Variants in PPARGC1A observed in about 807,000 individuals in gnomAD.
PPARGC1A encodes peroxisome proliferator-activated receptor gamma coactivator 1-alpha.
PPARGC1A carries 25 observed loss-of-function variants against 88.7 expected under a neutral mutation model. That is an observed-to-expected ratio of 0.28 (90% CI 0.21 to 0.39). The LOEUF (loss-of-function observed/expected upper bound fraction) is 0.39. Among genes scored for constraint, PPARGC1A ranks in the 10% least tolerant of loss-of-function variants. The pLI, the probability that PPARGC1A is intolerant of heterozygous loss-of-function variation, is 1.00. For synonymous variants in PPARGC1A, 363 were observed against 355.6 expected (o/e 1.02, Z -0.24); for missense variants, 880 against 968.7 (o/e 0.91, Z 1.22).
At chr4:24,414,900 A>G in the PPARGC1A span, among the ~76,000 whole-genome samples, 3 of 152,180 alleles carry the variant, frequency 2.0e-5, no homozygotes, top group East Asian at 5.8e-4. Context: ...CTTGATGATG[A>G]AAACCATGGC....
At chr4:24,432,644 G>A in the PPARGC1A span, among the ~76,000 whole-genome samples, 1 of 152,174 alleles carries the variant, frequency 6.6e-6, no homozygotes, top group Non-Finnish European at 1.5e-5. Context: ...CTGCCCATAA[G>A]CACAGTTAGC....
chr4:24,259,025 A>G, the PPARGC1A span, among the ~76,000 whole-genome samples: 1 of 152,188 alleles, frequency 6.6e-6, no homozygotes, highest in Non-Finnish European at 1.5e-5. Context: ...AACCACTCTA[A>G]TCAAAAGCTC....
At chr4:23,944,530 T>C in the PPARGC1A span, among the ~76,000 whole-genome samples, 1 of 152,192 alleles carries the variant, frequency 6.6e-6, no homozygotes, top group African/African-American at 2.4e-5. Context: ...TGTTCCCAAG[T>C]GAAAACAAAA....
chr4:23,888,068 A>T (rs1717209121), intron 1 of PPARGC1A, among the ~76,000 whole-genome samples: 1 of 152,190 alleles, frequency 6.6e-6, no homozygotes. Context: ...ATGACAGCAA[A>T]CATTAATGAT....
At chr4:23,855,040 G>A (rs780197080) in intron 2 of PPARGC1A, among the ~76,000 whole-genome samples, 68 of 152,076 alleles carry the variant, frequency 4.5e-4, no homozygotes, top group Non-Finnish European at 8.5e-4. Context: ...CGCACTCCCC[G>A]ATACTGTTCT....
chr4:23,956,182 G>A, the PPARGC1A span, among the ~76,000 whole-genome samples: 3 of 151,970 alleles, frequency 2.0e-5, no homozygotes, highest in African/African-American at 7.3e-5. Flanking sequence ...GGCTGGATTT[G>A]GTGTGAGGGC....
Position 23,813,077 on chromosome 4 carries a change from T to C in PPARGC1A, c.1842A>G (p.Arg614=), listed in dbSNP as rs778009262. Residue 614 remains arginine, a synonymous_variant, in exon 9 of 13, where the codon CGA becomes CGG. Transcript: ENST00000264867. ...ESSHYRHRTH[R]NSPLYVRSRS... ...GTGATCTCACATACAAGGGAGAATT[T>C]CGGTGCGTGCGGTGTCTGTAGTGGC... The C allele has an allele frequency of 6.2e-7, 1 of 1,614,118 alleles. No homozygotes were observed. The highest frequency in any genetic ancestry group is 8.5e-7 in the Non-Finnish European group (1 of 1,179,994).
At chr4:24,157,969 G>A in the PPARGC1A span, among the ~76,000 whole-genome samples, 2 of 151,940 alleles carry the variant, frequency 1.3e-5, no homozygotes, top group Non-Finnish European at 2.9e-5. Context: ...AACACACACT[G>A]TCTTCCTTTT....
chr4:23,816,726 C>A (rs1457191700), intron 7 of PPARGC1A, among the ~76,000 whole-genome samples: 1 of 152,148 alleles, frequency 6.6e-6, no homozygotes, highest in Non-Finnish European at 1.5e-5. Flanking sequence ...TGCATGATCA[C>A]CCCAAGCTAG....
chr4:24,071,959 G>C, the PPARGC1A span, among the ~76,000 whole-genome samples: 1 of 151,974 alleles, frequency 6.6e-6, no homozygotes, highest in Non-Finnish European at 1.5e-5. Context: ...ATGTTGAATG[G>C]CAGTTTGAAG....
the PPARGC1A span, among the ~76,000 whole-genome samples, chr4:23,918,144 T>C: frequency 1.2e-4 from 18 of 152,272 alleles, no homozygotes; most frequent in Middle Eastern, 3.4e-3. Flanking sequence ...ATTTACTGCA[T>C]GCCCAATAAC....
chr4:24,327,596 C>T, the PPARGC1A span, among the ~76,000 whole-genome samples: 367 of 152,036 alleles, frequency 2.4e-3, 2 homozygotes, highest in African/African-American at 7.8e-3. Context: ...TCATCCTATG[C>T]GACAAATGTT....
chr4:24,359,336 T>C, the PPARGC1A span, among the ~76,000 whole-genome samples: 1 of 152,160 alleles, frequency 6.6e-6, no homozygotes. Context: ...GAGATCCCAT[T>C]TGCTCCTGTG....
the PPARGC1A span, among the ~76,000 whole-genome samples, chr4:24,022,087 A>G: frequency 6.6e-6 from 1 of 152,288 alleles, no homozygotes; most frequent in Non-Finnish European, 1.5e-5. Context: ...GGGCCAGGTC[A>G]GGCTGCAAAG....
the PPARGC1A span, among the ~76,000 whole-genome samples, chr4:24,225,857 G>A: frequency 6.6e-6 from 1 of 152,078 alleles, no homozygotes. Flanking sequence ...GAGCTTAGGT[G>A]GAATGAATAT....
At chr4:23,851,376 G>A (rs960292179) in intron 2 of PPARGC1A, among the ~76,000 whole-genome samples, 3 of 152,114 alleles carry the variant, frequency 2.0e-5, no homozygotes, top group Admixed American at 1.3e-4. Flanking sequence ...TTGTTATGCT[G>A]GGACAATGCA....
At chr4:24,010,488 C>T in the PPARGC1A span, among the ~76,000 whole-genome samples, 1 of 152,070 alleles carries the variant, frequency 6.6e-6, no homozygotes, top group East Asian at 1.9e-4. Flanking sequence ...CCATATTCCT[C>T]TTCTGAGAAA....
chr4:24,262,121 A>AC, the PPARGC1A span, among the ~76,000 whole-genome samples: 5 of 151,556 alleles, frequency 3.3e-5, no homozygotes, highest in African/African-American at 9.7e-5. Flanking sequence ...GTCACCACGC[A>AC]CCCCCCGCCC....
the PPARGC1A span, among the ~76,000 whole-genome samples, chr4:24,261,963 C>T: frequency 4.6e-5 from 7 of 152,322 alleles, no homozygotes; most frequent in East Asian, 5.8e-4. Context: ...TTTTATACAA[C>T]ATAATCCAAA....
Sources: gnomAD v4.1 joint callset for allele counts (sites outside exome capture counted in the v4.1 genomes callset) on GRCh38, gnomAD v4.1.1 for gene constraint, MANE v1.5 for transcripts, NCBI Gene and HGNC (gene_info 2026-07-23, HGNC 2026-07-21) for gene names.